The following PTGER4 variants were observed in gnomAD, a reference collection of about 807,000 sequenced individuals.
PTGER4 encodes prostaglandin E receptor 4.
Under a neutral mutation model 33.2 loss-of-function variants are expected in PTGER4, and 11 were observed. That is an observed-to-expected ratio of 0.33 (90% CI 0.21 to 0.55). PTGER4 has a LOEUF of 0.55. PTGER4 is among the 20% of genes least tolerant of loss of function. PTGER4 has a pLI of 0.92. For missense variants in PTGER4, 481 were observed against 650.2 expected (o/e 0.74, Z 2.83); for synonymous variants, 275 against 281.5 (o/e 0.98, Z 0.23).
chr5:40,681,628 G>T lies in PTGER4; in HGVS notation c.635G>T (p.Arg212Leu). The part of the protein sequence containing the change: ...CNVLVCGALL[R>L]MHRQFMRRTS... ...GTGCTTGTGTGCGGCGCGCTGCTCC[G>T]CATGCACCGCCAGTTCATGCGCCGC... Residue 212 changes from arginine to leucine, a missense_variant, in exon 2 of 3, where the codon CGC becomes CTC. Transcript: ENST00000302472. The surrounding 1 kb of genome is among the most constrained non-coding windows in gnomAD (Gnocchi z 9.8). 1 of 1,603,688 alleles carries T rather than the reference G, an allele frequency of 6.2e-7. No individual in the cohort carries two copies. The highest frequency in any genetic ancestry group is 8.5e-7 in the Non-Finnish European group (1 of 1,179,312).
the PTGER4 span, among the ~76,000 whole-genome samples, chr5:40,746,442 A>G: frequency 1.3e-5 from 2 of 152,204 alleles, no homozygotes; most frequent in East Asian, 3.9e-4. Flanking sequence ...TACCTGATAC[A>G]TAATGTTATA....
the PTGER4 span, among the ~76,000 whole-genome samples, chr5:40,724,410 G>A: frequency 2.6e-5 from 4 of 152,226 alleles, no homozygotes; most frequent in African/African-American, 9.6e-5. Context: ...TGAGGCAGGA[G>A]GATCATGAGG....
At chr5:40,737,649 A>G in the PTGER4 span, among the ~76,000 whole-genome samples, 1 of 152,222 alleles carries the variant, frequency 6.6e-6, no homozygotes, top group Admixed American at 6.5e-5. Flanking sequence ...GAGTTTTGAG[A>G]AATGTATATA....
chr5:40,698,292 A>C (rs62356468), downstream of PTGER4, among the ~76,000 whole-genome samples: 55,250 of 151,280 alleles, frequency 0.37, 10,735 homozygotes, highest in Admixed American at 0.47. Flanking sequence ...ATTTAATAAT[A>C]ATCATCATCA....
At chr5:40,708,231 A>G in the PTGER4 span, among the ~76,000 whole-genome samples, 30 of 152,202 alleles carry the variant, frequency 2.0e-4, no homozygotes, top group Non-Finnish European at 3.8e-4. Flanking sequence ...CAAAAAATCA[A>G]TGAATCCAGG....
At chr5:40,697,146 GAA>G (rs1381065048), downstream of PTGER4, among the ~76,000 whole-genome samples, 3 of 96,804 alleles carry the variant, frequency 3.1e-5, no homozygotes, top group African/African-American at 1.3e-4. Flanking sequence ...AGGAAGGAAA[GAA>G]AGAGAAAGAA....
chr5:40,740,168 T>A, the PTGER4 span, among the ~76,000 whole-genome samples: 3 of 152,064 alleles, frequency 2.0e-5, no homozygotes, highest in Non-Finnish European at 4.4e-5. Context: ...TTAATGTCAA[T>A]TATCTTTTTA....
the PTGER4 span, among the ~76,000 whole-genome samples, chr5:40,720,666 C>T: frequency 6.6e-6 from 1 of 152,108 alleles, no homozygotes; most frequent in Non-Finnish European, 1.5e-5. Context: ...AATTCAGCAA[C>T]AATTCACAAA....
At chr5:40,710,512 A>G in the PTGER4 span, among the ~76,000 whole-genome samples, 1 of 152,204 alleles carries the variant, frequency 6.6e-6, no homozygotes, top group Non-Finnish European at 1.5e-5. Context: ...TGTGGAAGAC[A>G]GTGTGGCAAT....
chr5:40,714,700 T>G, the PTGER4 span: 1 of 152,260 alleles, frequency 6.6e-6, no homozygotes, highest in Non-Finnish European at 1.5e-5. Flanking sequence ...GAAAGAATAT[T>G]CTTTTCAAGG....
intron 2 of PTGER4, among the ~76,000 whole-genome samples, chr5:40,689,462 A>AG (rs957123984): frequency 2.0e-5 from 3 of 152,212 alleles, no homozygotes; most frequent in Admixed American, 6.5e-5. Flanking sequence ...CTTTAAAGGA[A>AG]GAAAAAAATA....
the PTGER4 span, among the ~76,000 whole-genome samples, chr5:40,699,275 T>C: frequency 6.6e-6 from 1 of 152,228 alleles, no homozygotes; most frequent in Non-Finnish European, 1.5e-5. Flanking sequence ...ATGGACTTTT[T>C]TGGATCCTGA....
chr5:40,731,501 G>C, the PTGER4 span, among the ~76,000 whole-genome samples: 1 of 152,192 alleles, frequency 6.6e-6, no homozygotes. Context: ...AAACTTACAA[G>C]GATGGCAGAA....
At chr5:40,700,362 T>C in the PTGER4 span, among the ~76,000 whole-genome samples, 5 of 152,230 alleles carry the variant, frequency 3.3e-5, no homozygotes. Flanking sequence ...CAGCGGCAGC[T>C]GAAAGCCTCT....
the PTGER4 span, among the ~76,000 whole-genome samples, chr5:40,707,752 C>T: frequency 6.6e-6 from 1 of 152,120 alleles, no homozygotes; most frequent in Non-Finnish European, 1.5e-5. Context: ...CACACCACAC[C>T]TATTCCAAAA....
At chr5:40,712,821 C>T in the PTGER4 span, among the ~76,000 whole-genome samples, 799 of 152,266 alleles carry the variant, frequency 5.2e-3, 12 homozygotes, top group African/African-American at 0.018. Context: ...CATCCTTACC[C>T]GCCGCTGCCT....
At chr5:40,698,951 C>T in the PTGER4 span, among the ~76,000 whole-genome samples, 4 of 152,076 alleles carry the variant, frequency 2.6e-5, no homozygotes, top group Non-Finnish European at 4.4e-5. Flanking sequence ...TGGCTTCTGA[C>T]ATTACAAAGA....
At chr5:40,709,803 C>T in the PTGER4 span, among the ~76,000 whole-genome samples, 6 of 152,334 alleles carry the variant, frequency 3.9e-5, no homozygotes, top group Admixed American at 3.9e-4. Context: ...GCTACAGTAA[C>T]CAAAACAGCA....
At chr5:40,737,299 C>CAAA in the PTGER4 span, among the ~76,000 whole-genome samples, 2 of 116,404 alleles carry the variant, frequency 1.7e-5, no homozygotes, top group Non-Finnish European at 1.8e-5. Flanking sequence ...GGCTCCACCT[C>CAAA]AAAAAAAAAA....
Sources: gnomAD v4.1 joint callset for allele counts (sites outside exome capture counted in the v4.1 genomes callset) on GRCh38, gnomAD v4.1.1 for gene constraint, Gnocchi (gnomAD v3.1) non-coding constraint, MANE v1.5 for transcripts, NCBI Gene and HGNC (gene_info 2026-07-23, HGNC 2026-07-21) for gene names.